The following AGTPBP1 variants were observed in gnomAD, a reference collection of about 807,000 sequenced individuals.
The protein encoded by AGTPBP1 is cytosolic carboxypeptidase 1.
A neutral mutation model predicts 143.9 loss-of-function variants in AGTPBP1; 70 were observed. The observed-to-expected ratio is 0.49, with a 90% CI of 0.40 to 0.59. The LOEUF (loss-of-function observed/expected upper bound fraction) is 0.59, where lower values mean the gene tolerates loss of function less well. AGTPBP1 is among the 20% of genes least tolerant of loss of function. The pLI is 0.00. For synonymous variants in AGTPBP1, 463 were observed against 500.2 expected (o/e 0.93, Z 0.99); for missense variants, 1,229 against 1,464.5 (o/e 0.84, Z 2.62).
intron 13 of AGTPBP1, among the ~76,000 whole-genome samples, chr9:85,636,693 AC>A (rs1832075724): frequency 6.6e-6 from 1 of 152,224 alleles, no homozygotes; most frequent in South Asian, 2.1e-4. Context: ...AGGTTAAAAG[AC>A]ATGAAAGGGA....
intron 15 of AGTPBP1, 96 bp from the exon 16 acceptor site, chr9:85,619,397 C>T (rs1830780211): frequency 1.3e-6 from 1 of 799,700 alleles, no homozygotes; most frequent in Non-Finnish European, 1.9e-6. Flanking sequence ...TACATCACTA[C>T]TGCCATATCA....
chr9:85,647,922 T>G (rs1488721649), intron 11 of AGTPBP1, among the ~76,000 whole-genome samples: 2 of 152,192 alleles, frequency 1.3e-5, no homozygotes, highest in African/African-American at 4.8e-5. Context: ...TGACTTTTAA[T>G]ATAAAGAAGA....
chr9:85,578,229 T>C (rs1421685609), intron 24 of AGTPBP1, among the ~76,000 whole-genome samples: 1 of 152,226 alleles, frequency 6.6e-6, no homozygotes, highest in Non-Finnish European at 1.5e-5. Context: ...AAAGTTTAAA[T>C]TCTAATTATC....
chr9:85,583,701 CAT>C (rs1444115724), intron 23 of AGTPBP1, among the ~76,000 whole-genome samples: 2 of 152,216 alleles, frequency 1.3e-5, no homozygotes, highest in African/African-American at 2.4e-5. Context: ...TACCTTCCCA[CAT>C]GTCTGTCTGC....
intron 4 of AGTPBP1, among the ~76,000 whole-genome samples, chr9:85,680,401 T>C (rs1835095141): frequency 1.3e-5 from 2 of 152,086 alleles, no homozygotes. Context: ...CTGGTCAACA[T>C]GGTGAAACCC....
the AGTPBP1 span, among the ~76,000 whole-genome samples, chr9:85,765,801 A>C: frequency 1.3e-5 from 2 of 152,230 alleles, no homozygotes; most frequent in African/African-American, 4.8e-5. Context: ...GGAAGTTATG[A>C]GGGCTAGTTA....
chr9:85,576,202 CCTT>C (rs1186986370), intron 24 of AGTPBP1, among the ~76,000 whole-genome samples: 8 of 152,230 alleles, frequency 5.3e-5, no homozygotes, highest in African/African-American at 1.9e-4. Context: ...TTAATATACT[CCTT>C]CTTTATCATT....
chr9:85,734,989 C>T (rs1001676146), intron 1 of AGTPBP1, among the ~76,000 whole-genome samples: 1 of 152,076 alleles, frequency 6.6e-6, no homozygotes, highest in South Asian at 2.1e-4. Flanking sequence ...GAGCTGAGAT[C>T]GCGCCACTGC....
At chr9:85,791,617 T>G in the AGTPBP1 span, 1 of 152,168 alleles carries the variant, frequency 6.6e-6, no homozygotes, top group Non-Finnish European at 1.5e-5. Flanking sequence ...CAAAAAATAT[T>G]TTGAGAGAAT....
chr9:85,766,051 A>G, the AGTPBP1 span, among the ~76,000 whole-genome samples: 981 of 152,038 alleles, frequency 6.5e-3, 14 homozygotes, highest in African/African-American at 0.023. Context: ...AGAGCCTAAG[A>G]TACAGCAGAA....
At chr9:85,677,122 C>T (rs146681170) in intron 6 of AGTPBP1, among the ~76,000 whole-genome samples, 2 of 151,910 alleles carry the variant, frequency 1.3e-5, no homozygotes, top group African/African-American at 4.8e-5. Context: ...AGTGGTAACA[C>T]AATAGGGCAA....
chr9:85,639,895 A>C (rs1354964599), intron 13 of AGTPBP1, among the ~76,000 whole-genome samples: 2 of 152,238 alleles, frequency 1.3e-5, no homozygotes, highest in Non-Finnish European at 2.9e-5. Flanking sequence ...AATTACTTTA[A>C]TAATACCATA....
chr9:85,703,258 G>GA (rs1374081134), intron 2 of AGTPBP1, among the ~76,000 whole-genome samples: 1 of 152,188 alleles, frequency 6.6e-6, no homozygotes, highest in Non-Finnish European at 1.5e-5. Flanking sequence ...AAGAGATGGG[G>GA]AAGACAGAAT....
intron 8 of AGTPBP1, among the ~76,000 whole-genome samples, chr9:85,661,605 C>T (rs538196881): frequency 6.6e-6 from 1 of 152,142 alleles, no homozygotes; most frequent in Admixed American, 6.6e-5. Flanking sequence ...GAGGACAAAG[C>T]AATCACCCCC....
At chr9:85,665,207 A>T (rs1834060604) in intron 8 of AGTPBP1, among the ~76,000 whole-genome samples, 1 of 152,214 alleles carries the variant, frequency 6.6e-6, no homozygotes, top group Admixed American at 6.5e-5. Flanking sequence ...CCCTTAATAC[A>T]ACAGACTGGT....
chr9:85,660,503 T>C (rs1269056763), intron 9 of AGTPBP1, among the ~76,000 whole-genome samples: 1 of 152,172 alleles, frequency 6.6e-6, no homozygotes, highest in Non-Finnish European at 1.5e-5. Context: ...AAATGTTATA[T>C]AAACTTACAT....
chr9:85,635,823 C>A (rs1466421196), intron 13 of AGTPBP1, among the ~76,000 whole-genome samples: 2 of 150,272 alleles, frequency 1.3e-5, no homozygotes, highest in African/African-American at 2.4e-5. Flanking sequence ...ACACTCCCAC[C>A]ACAAAAGAAA....
intron 14 of AGTPBP1, among the ~76,000 whole-genome samples, chr9:85,623,051 A>G (rs1831042446): frequency 6.6e-6 from 1 of 152,184 alleles, no homozygotes; most frequent in Non-Finnish European, 1.5e-5. Context: ...CCATAACGCA[A>G]AACAGGGTCA....
At position 85,715,714 on chromosome 9, in the gene AGTPBP1, A is replaced by G. The variant is rs181863312; in HGVS notation, c.-33-3148T>C. 2.6e-5 allele frequency among the ~76,000 whole-genome samples: 4 copies of G among 152,346 alleles called. No homozygotes were observed. In the East Asian group the frequency reaches 7.7e-4, roughly 29 times the overall value. ...CTTTTTATTACTGAAGCCTGAAGCCAGAACATAATGAAAAATCTTGCGAAA... is the reference window on the plus strand; with the variant it reads ...CTTTTTATTACTGAAGCCTGAAGCCGGAACATAATGAAAAATCTTGCGAAA... On this transcript the variant is annotated intron_variant, in intron 1 of 25. Coordinates refer to ENST00000357081, the MANE Select transcript of AGTPBP1 (RefSeq NM_001330701.2).
Sources: gnomAD v4.1 joint callset for allele counts (sites outside exome capture counted in the v4.1 genomes callset) on GRCh38, gnomAD v4.1.1 for gene constraint, MANE v1.5 for transcripts, NCBI Gene and HGNC (gene_info 2026-07-23, HGNC 2026-07-21) for gene names.